KRI1: variants seen among roughly 807,000 people sequenced by gnomAD.
KRI1 encodes protein KRI1 homolog.
KRI1 carries 83 observed loss-of-function variants against 97.0 expected under a neutral mutation model. The ratio of observed to expected loss-of-function variants is 0.86; its 90% CI spans 0.72 to 1.03. The LOEUF (loss-of-function observed/expected upper bound fraction) is 1.03. Among genes scored for constraint, KRI1 ranks in the 50% least tolerant of loss-of-function variants. The probability of loss-of-function intolerance (pLI) is 0.00; values close to 1 mark genes in which losing one functional copy is unlikely to be tolerated. For missense variants in KRI1, 916 were observed against 928.4 expected (o/e 0.99, Z 0.17); for synonymous variants, 371 against 363.5 (o/e 1.02, Z -0.23).
At chr19:10,555,453 C>T in intron 16 of KRI1, 104 bp from the exon 17 acceptor site, 1 of 1,255,904 alleles carries the variant, frequency 8.0e-7, no homozygotes, top group Non-Finnish European at 1.2e-6. Context: ...CCGCTACCAC[C>T]CAGCAGGGTT....
In KRI1 at chr19:10,557,576, A is replaced by C; in HGVS notation, c.1593T>G (p.Cys531Trp). 1 of 1,614,054 alleles carries C rather than the reference A, an allele frequency of 6.2e-7. No individual in the cohort carries two copies. The highest frequency in any genetic ancestry group is 8.5e-7 in the Non-Finnish European group (1 of 1,179,964). ...CCTCCTCAGTGCTGAGGCCAAAGTC[A>C]CAGGGCACCACTGTGCGGTACTTGA... ...CRFKYRTVVPCDFGLSTEEIL... is the reference protein window; with the variant it reads ...CRFKYRTVVPWDFGLSTEEIL... Residue 531 changes from cysteine to tryptophan, a missense_variant, in exon 16 of 19, where the codon TGT (cysteine) becomes TGG (tryptophan). Physicochemically the swap from Cys to Trp is radical, Grantham distance 215. This residue lies in a region of KRI1 where 672 missense variants were observed against 667.2 expected (regional missense o/e 1.01). Transcript: ENST00000312962.
rs1231796015 is a variant in KRI1, at chr19:10,554,974, G to A, written c.1781+113C>T. On this transcript the variant is annotated intron_variant, in intron 18 of 18. Coordinates refer to ENST00000312962, the MANE Select transcript of KRI1 (RefSeq NM_023008.5). The stretch of plus-strand genomic sequence containing the variant: ...ATATAGGATTCGAACCCAGGTCTCA[G>A]AGCGGGGGGCGCTGCATTCCCAAAG... 4.9e-6 allele frequency: 4 copies of A among 819,516 alleles called. No homozygotes were observed. In the East Asian group the frequency reaches 8.0e-5, roughly 16 times the overall value. 50.8% of individuals were successfully genotyped at this position (819,516 alleles called of 1,614,324 possible).
Position 10,559,692 on chromosome 19 carries a change from C to A in KRI1, c.944G>T (p.Arg315Leu). Residue 315 changes from arginine (R) to leucine (L), a missense_variant, in exon 11 of 19, where the codon CGC becomes CTC. Arg to Leu is a moderately radical substitution (Grantham distance 102). This residue lies in a region of KRI1 where 672 missense variants were observed against 667.2 expected (regional missense o/e 1.01). Transcript: ENST00000312962. ...ACGGCGCACGGAGGACGCGATGCTGCGTGGGTAGGTCTTGACCTAGGCGCA... is the reference window on the plus strand; with the variant it reads ...ACGGCGCACGGAGGACGCGATGCTGAGTGGGTAGGTCTTGACCTAGGCGCA... ...PDSASVKTYP[R>L]SIASSVRRKD... The A allele has an allele frequency of 6.2e-7, 1 of 1,614,026 alleles. No individual in the cohort carries two copies. Among genetic ancestry groups the A allele is most frequent in the Non-Finnish European group, 8.5e-7 (1 of 1,180,002 alleles).
intron 3 of KRI1, among the ~76,000 whole-genome samples, chr19:10,564,268 C>G (rs1289618529): frequency 6.6e-6 from 1 of 151,614 alleles, no homozygotes; most frequent in Admixed American, 6.6e-5. Flanking sequence ...CGAGACCAGC[C>G]TGGCCAACAT....
intron 12 of KRI1, among the ~76,000 whole-genome samples, chr19:10,558,487 G>A (rs62128801): frequency 2.0e-5 from 3 of 151,462 alleles, no homozygotes; most frequent in Non-Finnish European, 2.9e-5. Context: ...GTTCTTCGCC[G>A]TCCTACCCAC....
Position 10,553,356 on chromosome 19 carries a change from C to G in KRI1, c.*595G>C, listed in dbSNP as rs537241533. 4 of 336,862 alleles carry G rather than the reference C, an allele frequency of 1.2e-5. No homozygotes were observed. The highest frequency in any genetic ancestry group is 8.2e-5 in the African/African-American group (4 of 48,610). The allele number at this position is 336,862 out of a possible 1,614,324, so 20.9% of individuals were successfully genotyped here. A position where few individuals can be genotyped will look rare whatever the true frequency, so the allele number is the denominator to read the frequency against. ...TTTGCACTGGACGCCCGGGCCCTCC[C>G]TGTCCCAAAGCCCCCTTGGGGGAAC... On this transcript the variant is annotated 3_prime_UTR_variant, in exon 19 of 19. Transcript: ENST00000312962.
intron 2 of KRI1, chr19:10,565,503 TG>T: frequency 1.9e-6 from 1 of 532,638 alleles, no homozygotes; most frequent in Non-Finnish European, 3.1e-6. Context: ...AGTGGGCAGG[TG>T]GGGATCGTGG....
rs1916540249 is a variant in KRI1, at chr19:10,557,563, T to C, written c.1606A>G (p.Ser536Gly). 1 of 1,614,016 alleles carries C rather than the reference T, an allele frequency of 6.2e-7. No individual in the cohort carries two copies. Among genetic ancestry groups the C allele is most frequent in the Non-Finnish European group, 8.5e-7 (1 of 1,179,912 alleles). Residue 536 changes from serine to glycine, a missense_variant, in exon 16 of 19, where the codon AGC (serine) becomes GGC (glycine). Transcript: ENST00000312962. ...RTVVPCDFGL[S>G]TEEILAADDK... ...CCCGGGGCCCCTACCTCCTCAGTGC[T>C]GAGGCCAAAGTCACAGGGCACCACT...
intron 16 of KRI1, among the ~76,000 whole-genome samples, chr19:10,555,697 T>C (rs115505864): frequency 0.016 from 2,364 of 152,280 alleles, 57 homozygotes; most frequent in African/African-American, 0.053. Context: ...GGCTTCCTAA[T>C]TACATATGAA....
rs1916848715 is a variant in KRI1 at position 10,565,744 on chromosome 19, G to A, written c.141C>T (p.Ser47=). The change falls in exon 2 of 19, where the codon TCC becomes TCT. Residue 47 remains serine, a synonymous_variant. Transcript: ENST00000312962. ...CGCGCTCGTCGCTTGAGTCCGACTC[G>A]GAGCTGGAGTCGCTGCTGCTGTCTC... The part of the protein sequence containing the change: ...GDRDSSSDSS[S]ESDSSDERVE... 2 of 1,581,460 alleles carry A rather than the reference G, an allele frequency of 1.3e-6. No individual in the cohort carries two copies. The highest frequency in any genetic ancestry group is 3.5e-5 in the Admixed American group (2 of 56,512).
At chr19:10,558,326 G>C in intron 12 of KRI1, 87 bp from the exon 13 acceptor site, 1 of 1,294,800 alleles carries the variant, frequency 7.7e-7, no homozygotes, top group Non-Finnish European at 1.1e-6. Context: ...CCCCCTCCTT[G>C]GCAACTTTAC....
In KRI1 at chr19:10,565,721, C is replaced by A; in HGVS notation, c.164G>T (p.Arg55Leu). The A allele has an allele frequency of 6.4e-7, 1 of 1,566,612 alleles. No homozygotes were observed. Residue 55 changes from arginine (R) to leucine (L), a missense_variant, in exon 2 of 19, where the codon CGC becomes CTC. Coordinates refer to ENST00000312962, the MANE Select transcript of KRI1 (RefSeq NM_023008.5). ...GGACGGGGCGGGGACGCGCACCACG[C>A]GCTCGTCGCTTGAGTCCGACTCGGA... ...SSSESDSSDE[R>L]VEFDPQQERD...
At chr19:10,563,447 G>A (rs1027896928) in intron 3 of KRI1, among the ~76,000 whole-genome samples, 1 of 151,778 alleles carries the variant, frequency 6.6e-6, no homozygotes, top group Non-Finnish European at 1.5e-5. Flanking sequence ...CCAGGTTCAA[G>A]CGATTCCCCT....
rs1916737282 is a variant in KRI1 at position 10,562,702 on chromosome 19, G to T, written c.383+27C>A. On this transcript the variant is annotated intron_variant, in intron 4 of 18. Transcript: ENST00000312962. ...AGACCTGACAGGGCTGGGAACCAGGGGGTGGGGATGTAGGCCTTCTCCATA... is the reference window on the plus strand; with the variant it reads ...AGACCTGACAGGGCTGGGAACCAGGTGGTGGGGATGTAGGCCTTCTCCATA... 3.9e-6 allele frequency: 5 copies of T among 1,298,656 alleles called. No homozygotes were observed. The East Asian group carries it at 9.2e-5, about 24-fold the overall frequency. 80.4% of individuals were successfully genotyped at this position (1,298,656 alleles called of 1,614,324 possible).
chr19:10,565,625 G>A (rs1400173550), intron 2 of KRI1, 92 bp downstream of exon 2: 2 of 1,450,942 alleles, frequency 1.4e-6, no homozygotes, highest in African/African-American at 1.5e-5. Flanking sequence ...GGCGCTCTGG[G>A]GTTGGGGGTT....
At chr19:10,557,150 G>T (rs1916527341) in intron 16 of KRI1, among the ~76,000 whole-genome samples, 1 of 150,046 alleles carries the variant, frequency 6.7e-6, no homozygotes, top group African/African-American at 2.5e-5. Context: ...TGTCACCTAG[G>T]CTGGAGTGCA....
At chr19:10,563,930 G>A (rs1916775064) in intron 3 of KRI1, among the ~76,000 whole-genome samples, 1 of 150,354 alleles carries the variant, frequency 6.7e-6, no homozygotes. Flanking sequence ...GATTACCTGA[G>A]GTCAGGAGTT....
At position 10,555,362 on chromosome 19, in the gene KRI1, G is replaced by A. The variant is rs771196838; in HGVS notation, c.1618-13C>T. 8.7e-6 allele frequency: 14 copies of A among 1,609,384 alleles called. No homozygotes were observed. Among genetic ancestry groups the A allele is most frequent in the Non-Finnish European group, 1.2e-5 (14 of 1,178,058 alleles). On this transcript the variant is annotated splice_polypyrimidine_tract_variant and intron_variant, in intron 16 of 18. Coordinates refer to ENST00000312962, the MANE Select transcript of KRI1 (RefSeq NM_023008.5). ...CAGCAGCGAGGATCTGCGTGGGAAG[G>A]GAGAGTGGGGACCTGCTGTGATATT...
Position 10,558,204 on chromosome 19 carries a change from C to T in KRI1, c.1230G>A (p.Glu410=). 1 of 1,614,114 alleles carries T rather than the reference C, an allele frequency of 6.2e-7. No homozygotes were observed. The highest frequency in any genetic ancestry group is 2.2e-5 in the East Asian group (1 of 44,880). ...CTTCCTCAAATTGTGGCTTCTCCTC[C>T]TCCACGGCCCCGTAGTACTCGTCCC... ...CFGDEYYGAV[E]EEKPQFEEEE... The change falls in exon 13 of 19, where the codon GAG becomes GAA. Residue 410 remains glutamate (E), a synonymous_variant. Coordinates refer to ENST00000312962, the MANE Select transcript of KRI1 (RefSeq NM_023008.5).
Sources: gnomAD v4.1 joint callset for allele counts (sites outside exome capture counted in the v4.1 genomes callset) on GRCh38, gnomAD v4.1.1 for gene constraint, gnomAD v4.1.1 regional missense constraint, MANE v1.5 for transcripts, NCBI Gene and HGNC (gene_info 2026-07-23, HGNC 2026-07-21) for gene names.